Variants in DLGAP2 observed in about 807,000 individuals in gnomAD.
The protein encoded by DLGAP2 is disks large-associated protein 2.
In DLGAP2, 26 loss-of-function variants were observed where a neutral mutation model predicts 100.3. The observed-to-expected ratio is 0.26, with a 90% CI of 0.19 to 0.36. The LOEUF (loss-of-function observed/expected upper bound fraction) is 0.36. DLGAP2 is among the 10% of genes least tolerant of loss of function. The pLI, the probability that DLGAP2 is intolerant of heterozygous loss-of-function variation, is 1.00. For missense variants in DLGAP2, 1,858 were observed against 1,453.2 expected, an observed-to-expected ratio of 1.28 and a Z score of -4.53; for synonymous variants, 886 against 630.1, an observed-to-expected ratio of 1.41 and a Z score of -6.08.
intron 2 of DLGAP2, among the ~76,000 whole-genome samples, chr8:982,918 C>T (rs368681229): frequency 1.5e-5 from 2 of 132,764 alleles, no homozygotes; most frequent in African/African-American, 2.8e-5. Flanking sequence ...CATTTCTGAT[C>T]CCTTCGTGGG....
chr8:759,065 A>G (rs1203046671), intron 1 of DLGAP2, among the ~76,000 whole-genome samples: 54 of 78,322 alleles, frequency 6.9e-4, no homozygotes, highest in African/African-American at 2.1e-3. Context: ...CAACCTTCCC[A>G]TTATCAATAC....
intron 2 of DLGAP2, among the ~76,000 whole-genome samples, chr8:931,437 T>C (rs1798954381): frequency 6.6e-6 from 1 of 152,208 alleles, no homozygotes; most frequent in Non-Finnish European, 1.5e-5. Context: ...AAAAGCCGCC[T>C]GTGATTCCTT....
intron 2 of DLGAP2, among the ~76,000 whole-genome samples, chr8:937,281 C>T (rs774095345): frequency 2.0e-5 from 3 of 152,146 alleles, no homozygotes; most frequent in Non-Finnish European, 4.4e-5. Flanking sequence ...CTTATGGATT[C>T]AAAAACATGC....
At chr8:1,103,565 G>T (rs77813249) in intron 2 of DLGAP2, among the ~76,000 whole-genome samples, 2 of 7,406 alleles carry the variant, frequency 2.7e-4, no homozygotes, top group East Asian at 3.7e-3. Context: ...GATGACTGGC[G>T]GGGCCTTGGT....
intron 3 of DLGAP2, among the ~76,000 whole-genome samples, chr8:1,464,230 C>G (rs201986242): frequency 1.3e-5 from 2 of 150,970 alleles, no homozygotes; most frequent in Non-Finnish European, 3.0e-5. Flanking sequence ...GGCTCCCTTC[C>G]AGGACGACAC....
intron 3 of DLGAP2, among the ~76,000 whole-genome samples, chr8:1,421,052 T>A (rs1160705608): frequency 6.6e-6 from 1 of 152,194 alleles, no homozygotes; most frequent in Non-Finnish European, 1.5e-5. Context: ...CAACTCAGAA[T>A]AATACACTGG....
At chr8:994,934 G>A (rs1800744514) in intron 2 of DLGAP2, among the ~76,000 whole-genome samples, 1 of 152,096 alleles carries the variant, frequency 6.6e-6, no homozygotes, top group Admixed American at 6.5e-5. Context: ...GGACAACGGT[G>A]GTACAGTTGG....
At chr8:1,293,344 C>G (rs751531156) in intron 3 of DLGAP2, among the ~76,000 whole-genome samples, 1 of 152,158 alleles carries the variant, frequency 6.6e-6, no homozygotes, top group African/African-American at 2.4e-5. Context: ...AGCCATGGCT[C>G]CTTCCCTGTG....
chr8:1,153,543 C>T lies in DLGAP2; in HGVS notation c.74-105308C>T, dbSNP rs142210496. Among the ~76,000 whole-genome samples, 449 of 152,262 alleles carry T rather than the reference C, an allele frequency of 2.9e-3. 1 individual carries two copies. Among genetic ancestry groups the T allele is most frequent in the African/African-American group, 9.8e-3 (405 of 41,536 alleles). On this transcript the variant is annotated intron_variant, in intron 2 of 14. Transcript: ENST00000637795. ...CCAATGTTGATGTATATGGTGCCCA[C>T]CGAGTTAATTAACCTGTTTTTATCC...
intron 1 of DLGAP2, among the ~76,000 whole-genome samples, chr8:767,299 G>A (rs1821238707): frequency 6.6e-6 from 1 of 151,338 alleles, no homozygotes; most frequent in Admixed American, 6.6e-5. Flanking sequence ...GCAGTTCAAG[G>A]ATGCCCAAAG....
intron 3 of DLGAP2, among the ~76,000 whole-genome samples, chr8:1,365,547 C>T (rs958866748): frequency 1.3e-5 from 2 of 152,112 alleles, no homozygotes; most frequent in Non-Finnish European, 2.9e-5. Context: ...TGGATGGCTT[C>T]GGGAAGTTTG....
At chr8:1,618,135 C>T (rs547732324) in intron 6 of DLGAP2, among the ~76,000 whole-genome samples, 2 of 152,158 alleles carry the variant, frequency 1.3e-5, no homozygotes, top group African/African-American at 2.4e-5. Context: ...AGAAAAAGCA[C>T]GAAATTTAAA....
At position 1,637,498 on chromosome 8, in the gene DLGAP2, C is replaced by T. The variant is rs948361860; in HGVS notation, c.1810+4452C>T. 2.6e-5 allele frequency among the ~76,000 whole-genome samples: 4 copies of T among 151,898 alleles called. No individual in the cohort carries two copies. In the East Asian group the frequency reaches 5.8e-4, roughly 22 times the overall value. ...GCACTGCGAGGACCAGCCTGCACAC[C>T]CCACAAAGGCAACAAAAAGCTGCGT... On this transcript the variant is annotated intron_variant, in intron 8 of 14. Coordinates refer to ENST00000637795, the MANE Select transcript of DLGAP2 (RefSeq NM_001346810.2).
chr8:1,647,217 G>A (rs4242537), intron 8 of DLGAP2, among the ~76,000 whole-genome samples: 87,512 of 151,970 alleles, frequency 0.58, 26,110 homozygotes, highest in African/African-American at 0.75. Context: ...CATGACCCCA[G>A]GGGAACCCTA....
chr8:1,242,320 T>A (rs62487820), intron 2 of DLGAP2, among the ~76,000 whole-genome samples: 1 of 152,066 alleles, frequency 6.6e-6, no homozygotes, highest in South Asian at 2.1e-4. Flanking sequence ...AGGGCGGGGT[T>A]CTGGAGGATT....
At chr8:1,316,851 C>G (rs369296214) in intron 3 of DLGAP2, among the ~76,000 whole-genome samples, 1 of 91,236 alleles carries the variant, frequency 1.1e-5, no homozygotes, top group Non-Finnish European at 2.2e-5. Context: ...GCGTCTCTCC[C>G]ACAGTGGTCT....
At chr8:984,595 A>G (rs919311389) in intron 2 of DLGAP2, among the ~76,000 whole-genome samples, 4 of 152,206 alleles carry the variant, frequency 2.6e-5, no homozygotes, top group African/African-American at 9.7e-5. Flanking sequence ...CAGTAGTAAG[A>G]ACAGCTCTTG....
chr8:755,761 C>T (rs1283441778), intron 1 of DLGAP2, among the ~76,000 whole-genome samples: 8 of 147,730 alleles, frequency 5.4e-5, no homozygotes, highest in Admixed American at 2.0e-4. Flanking sequence ...GCTGGGGTGC[C>T]GTCCTCTGGG....
At chr8:1,260,330 G>C (rs1799320557) in intron 3 of DLGAP2, among the ~76,000 whole-genome samples, 1 of 152,014 alleles carries the variant, frequency 6.6e-6, no homozygotes, top group South Asian at 2.1e-4. Context: ...TTTTCAGTGT[G>C]TGAGAGAAAT....
Sources: allele counts gnomAD v4.1 joint callset (sites outside exome capture counted in the v4.1 genomes callset), GRCh38; gene constraint gnomAD v4.1.1; transcripts MANE v1.5; gene names NCBI Gene and HGNC (gene_info 2026-07-23, HGNC 2026-07-21).